The following GSK3B variants were observed in gnomAD, a reference collection of about 807,000 sequenced individuals.
GSK3B encodes the protein glycogen synthase kinase-3 beta.
GSK3B carries 15 observed loss-of-function variants against 56.4 expected under a neutral mutation model. The observed-to-expected ratio is 0.27, with a 90% CI of 0.18 to 0.41. GSK3B has a LOEUF of 0.41. Among genes scored for constraint, GSK3B ranks in the 10% least tolerant of loss-of-function variants. GSK3B has a pLI of 1.00. For synonymous variants in GSK3B, 181 were observed against 188.9 expected, an observed-to-expected ratio of 0.96 and a Z score of 0.34; for missense variants, 300 against 513.4, an observed-to-expected ratio of 0.58 and a Z score of 4.02.
intron 3 of GSK3B, among the ~76,000 whole-genome samples, chr3:119,946,041 T>A (rs1049729089): frequency 6.6e-6 from 1 of 150,726 alleles, no homozygotes; most frequent in Non-Finnish European, 1.5e-5. Context: ...CTAATACTTA[T>A]GAGGGTTCAC....
intron 10 of GSK3B, among the ~76,000 whole-genome samples, chr3:119,842,744 T>C (rs2055794502): frequency 6.6e-6 from 1 of 152,142 alleles, no homozygotes; most frequent in South Asian, 2.1e-4. Context: ...AAGATATTTA[T>C]ATCTTATATA....
At chr3:119,952,954 A>T (rs935395910) in intron 2 of GSK3B, among the ~76,000 whole-genome samples, 1 of 152,114 alleles carries the variant, frequency 6.6e-6, no homozygotes. Flanking sequence ...AATATAAAAG[A>T]CTATAGATAT....
At chr3:119,887,499 G>A (rs2056449087) in intron 7 of GSK3B, among the ~76,000 whole-genome samples, 1 of 152,032 alleles carries the variant, frequency 6.6e-6, no homozygotes, top group African/African-American at 2.4e-5. Flanking sequence ...AATACAGTAT[G>A]TGAAATTAAA....
At chr3:119,872,458 A>G (rs966494087) in intron 8 of GSK3B, among the ~76,000 whole-genome samples, 2 of 152,164 alleles carry the variant, frequency 1.3e-5, no homozygotes, top group African/African-American at 2.4e-5. Context: ...AAATTTTCCT[A>G]AAGGCTATGA....
intron 9 of GSK3B, among the ~76,000 whole-genome samples, chr3:119,848,896 A>C (rs141052808): frequency 6.8e-4 from 104 of 152,298 alleles, no homozygotes; most frequent in African/African-American, 2.4e-3. Flanking sequence ...TTGCCTGGGA[A>C]GACAGTTGAA....
chr3:119,948,091 A>G (rs948537386), intron 2 of GSK3B, among the ~76,000 whole-genome samples: 8 of 152,222 alleles, frequency 5.3e-5, no homozygotes, highest in African/African-American at 1.7e-4. Context: ...TAGTCCAACA[A>G]TATACTTGAC....
At chr3:119,891,203 A>G (rs2056498071) in intron 7 of GSK3B, among the ~76,000 whole-genome samples, 1 of 151,774 alleles carries the variant, frequency 6.6e-6, no homozygotes, top group Non-Finnish European at 1.5e-5. Flanking sequence ...GCAAATGAGT[A>G]AAAAGTACAT....
At chr3:120,017,574 T>C (rs1385191813) in intron 1 of GSK3B, among the ~76,000 whole-genome samples, 1 of 152,094 alleles carries the variant, frequency 6.6e-6, no homozygotes, top group Non-Finnish European at 1.5e-5. Flanking sequence ...AGCATACAAA[T>C]TTACACACAT....
chr3:119,862,143 G>C (rs1179979861), intron 9 of GSK3B, among the ~76,000 whole-genome samples: 1 of 147,642 alleles, frequency 6.8e-6, no homozygotes, highest in East Asian at 2.0e-4. Context: ...AACAATGATA[G>C]ACTGGATTAA....
chr3:120,047,336 ACT>A (rs2058112186), intron 1 of GSK3B, among the ~76,000 whole-genome samples: 1 of 152,210 alleles, frequency 6.6e-6, no homozygotes, highest in South Asian at 2.1e-4. Context: ...GGAATCAGAT[ACT>A]CTCAAGAAGG....
intron 8 of GSK3B, among the ~76,000 whole-genome samples, chr3:119,869,285 T>C (rs1210219649): frequency 2.0e-5 from 3 of 149,840 alleles, no homozygotes; most frequent in East Asian, 3.9e-4. Flanking sequence ...CTTTGCTACA[T>C]TGATCTAATG....
At chr3:119,922,208 G>GGGAAGGAA (rs1195120758) in intron 4 of GSK3B, among the ~76,000 whole-genome samples, 2 of 99,340 alleles carry the variant, frequency 2.0e-5, no homozygotes, top group Admixed American at 1.1e-4. Flanking sequence ...TAGGGAAGGA[G>GGGAAGGAA]GGAAGGAAGG....
In GSK3B at chr3:119,916,124, T is replaced by C. The variant is rs1418841472; in HGVS notation, c.528A>G (p.Gly176=). 6.2e-7 allele frequency: 1 copy of C among 1,612,184 alleles called. No individual in the cohort carries two copies. The highest frequency in any genetic ancestry group is 2.2e-5 in the East Asian group (1 of 44,820). ...FRSLAYIHSF[G]ICHRDIKPQN... ...GCGGTTTAATATCCCGATGGCAGAT[T>C]CCAAAGGAATGGATATAGGCTAAAC... The change falls in exon 5 of 11, where the codon GGA becomes GGG. Residue 176 remains glycine, a synonymous_variant. Coordinates refer to ENST00000264235, the MANE Select transcript of GSK3B (RefSeq NM_001146156.2).
At chr3:120,068,299 GA>G (rs2058297069) in intron 1 of GSK3B, among the ~76,000 whole-genome samples, 1 of 150,326 alleles carries the variant, frequency 6.7e-6, no homozygotes, top group Non-Finnish European at 1.5e-5. Context: ...GCTGAGGCAG[GA>G]GAATACCTTG....
chr3:120,007,813 A>C (rs1443704658), intron 1 of GSK3B, among the ~76,000 whole-genome samples: 2 of 152,218 alleles, frequency 1.3e-5, no homozygotes, highest in African/African-American at 2.4e-5. Context: ...CCAATATCAT[A>C]CTGAATGGGC....
At chr3:120,058,117 T>C in intron 1 of GSK3B, among the ~76,000 whole-genome samples, 1 of 152,102 alleles carries the variant, frequency 6.6e-6, no homozygotes, top group East Asian at 1.9e-4. Context: ...AAGATTCAAT[T>C]TGGGGGGAAC....
chr3:119,876,164 C>T (rs1028280915), intron 8 of GSK3B, among the ~76,000 whole-genome samples: 4 of 152,078 alleles, frequency 2.6e-5, no homozygotes, highest in African/African-American at 7.2e-5. Flanking sequence ...AAATTCTGTA[C>T]TTTAATGATA....
intron 1 of GSK3B, among the ~76,000 whole-genome samples, chr3:120,046,947 T>A (rs1302858848): frequency 6.6e-6 from 1 of 152,156 alleles, no homozygotes; most frequent in East Asian, 1.9e-4. Context: ...TCACATTACT[T>A]CTTTGCACTC....
chr3:119,965,783 A>G (rs1366454465), intron 2 of GSK3B, among the ~76,000 whole-genome samples: 1 of 152,182 alleles, frequency 6.6e-6, no homozygotes, highest in Non-Finnish European at 1.5e-5. Context: ...TGTACCTCAC[A>G]CAGAGTGTCT....
Sources: gnomAD v4.1 joint callset for allele counts (sites outside exome capture counted in the v4.1 genomes callset) on GRCh38, gnomAD v4.1.1 for gene constraint, MANE v1.5 for transcripts, NCBI Gene and HGNC (gene_info 2026-07-23, HGNC 2026-07-21) for gene names.